The following AVEN variants were observed in gnomAD, a reference collection of about 807,000 sequenced individuals.
AVEN encodes cell death regulator Aven.
In AVEN, 41 loss-of-function variants were observed where a neutral mutation model predicts 38.1. The ratio of observed to expected loss-of-function variants is 1.08; its 90% CI spans 0.84 to 1.40. AVEN has a LOEUF of 1.40. Ranked by LOEUF, AVEN falls within the 40% of genes most tolerant of loss-of-function variation. The pLI is 0.00. For synonymous variants in AVEN, 206 were observed against 171.8 expected (o/e 1.20, Z -1.56); for missense variants, 605 against 438.8 (o/e 1.38, Z -3.38).
Position 34,003,136 on chromosome 15 carries a change from A to C in AVEN, c.341T>G (p.Ile114Ser). 6.2e-7 allele frequency: 1 copy of C among 1,613,860 alleles called. No homozygotes were observed. Among genetic ancestry groups the C allele is most frequent in the Non-Finnish European group, 8.5e-7 (1 of 1,179,904 alleles). Residue 114 changes from isoleucine to serine, a missense_variant, in exon 2 of 6, where the codon ATT becomes AGT. Coordinates refer to ENST00000306730, the MANE Select transcript of AVEN (RefSeq NM_020371.3). ...TTGATATCGATCCCAGTTAGAGACA[A>C]TCTTTCTTTTAGAATAATTTCCCTG... ...DEQGNYSKRK[I>S]VSNWDRYQDI... is the part of the protein sequence containing the mutation.
At chr15:33,976,142 T>C (rs1423801365) in intron 2 of AVEN, among the ~76,000 whole-genome samples, 2 of 152,152 alleles carry the variant, frequency 1.3e-5, no homozygotes, top group Non-Finnish European at 2.9e-5. Flanking sequence ...GCAGGATATA[T>C]TGGATAAAAT....
At chr15:33,877,496 T>C (rs779089354) in intron 2 of AVEN, among the ~76,000 whole-genome samples, 28 of 152,296 alleles carry the variant, frequency 1.8e-4, no homozygotes, top group Non-Finnish European at 3.8e-4. Context: ...AATGGCTCTC[T>C]AATACACAAA....
chr15:34,024,856 T>A lies in AVEN; in HGVS notation c.267+13924A>T, dbSNP rs2339351. Among the ~76,000 whole-genome samples the A allele has an allele frequency of 7.5e-5, 11 of 146,410 alleles. No individual in the cohort carries two copies. The South Asian group carries it at 1.1e-3, about 14-fold the overall frequency. On this transcript the variant is annotated intron_variant, in intron 1 of 5. Transcript: ENST00000306730. ...AGCCTGGGCGACAAAGCAAGACTCC[T>A]TCTCAAAAAAAAAAGGAAAAAATAA... is the stretch of plus-strand genomic sequence containing the variant.
At chr15:33,977,083 G>T (rs74972758) in intron 2 of AVEN, among the ~76,000 whole-genome samples, 2,178 of 152,160 alleles carry the variant, frequency 0.014, 51 homozygotes, top group African/African-American at 0.049. Flanking sequence ...AATAATTTTT[G>T]GCTTAAATTG....
chr15:33,992,459 T>C (rs985106572), intron 2 of AVEN, among the ~76,000 whole-genome samples: 2 of 152,252 alleles, frequency 1.3e-5, no homozygotes, highest in Non-Finnish European at 2.9e-5. Context: ...AAAGTTTTTT[T>C]GTTATCGGAG....
chr15:34,023,723 G>A (rs1898312785), intron 1 of AVEN, among the ~76,000 whole-genome samples: 2 of 152,150 alleles, frequency 1.3e-5, no homozygotes, highest in Non-Finnish European at 2.9e-5. Flanking sequence ...TAAAAGGCCA[G>A]GTGAGCAGTT....
chr15:33,953,881 A>G (rs1217495462), intron 2 of AVEN, among the ~76,000 whole-genome samples: 1 of 152,186 alleles, frequency 6.6e-6, no homozygotes, highest in Non-Finnish European at 1.5e-5. Context: ...AATTTTTGCA[A>G]TTTACCCATC....
chr15:34,075,297 G>A (rs563515427), upstream of AVEN, among the ~76,000 whole-genome samples: 4 of 151,716 alleles, frequency 2.6e-5, no homozygotes, highest in South Asian at 2.1e-4. Context: ...ACTTACAATC[G>A]CAGCGGAAGG....
chr15:33,953,060 C>G (rs1340078927), intron 2 of AVEN, among the ~76,000 whole-genome samples: 2 of 151,902 alleles, frequency 1.3e-5, no homozygotes, highest in Admixed American at 1.3e-4. Context: ...GAATAAAATA[C>G]CTAGGAATAC....
At chr15:33,853,060 C>T in the AVEN span, 1 of 1,605,682 alleles carries the variant, frequency 6.2e-7, no homozygotes, top group Non-Finnish European at 8.5e-7. Flanking sequence ...TTCCTAATAA[C>T]TACTGGGACA....
At chr15:34,038,618 GGCGCGCCCCCGCGCCA>G (rs1899276690) in intron 1 of AVEN, among the ~76,000 whole-genome samples, 146 bp downstream of exon 1, 1 of 2,268 alleles carries the variant, frequency 4.4e-4, no homozygotes, top group Non-Finnish European at 7.6e-3. Context: ...CCCGCCACCA[GGCGCGCCCCCGCGCCA>G]CCATCCGCCC....
intron 2 of AVEN, among the ~76,000 whole-genome samples, chr15:34,068,505 C>T (rs576009721): frequency 6.6e-6 from 1 of 152,016 alleles, no homozygotes; most frequent in Non-Finnish European, 1.5e-5. Context: ...CCGCGTCTGA[C>T]CTTAGAGTGT....
At chr15:34,062,566 A>AAC (rs1249572628) in intron 5 of AVEN, 20 of 680,974 alleles carry the variant, frequency 2.9e-5, no homozygotes, top group Non-Finnish European at 4.4e-5. Context: ...AAAAAAAAAA[A>AAC]AAAAAAAACT....
chr15:33,955,295 TGTGA>T (rs2140458522), intron 2 of AVEN, among the ~76,000 whole-genome samples: 1 of 152,248 alleles, frequency 6.6e-6, no homozygotes, highest in East Asian at 1.9e-4. Flanking sequence ...GCAACCAAAT[TGTGA>T]GTGAGAAGGA....
At chr15:34,054,390 G>A (rs1184348886) in intron 5 of AVEN, among the ~76,000 whole-genome samples, 2 of 152,140 alleles carry the variant, frequency 1.3e-5, no homozygotes, top group Non-Finnish European at 2.9e-5. Context: ...TATGTTCACT[G>A]CAGCACTATC....
chr15:33,899,654 G>C (rs609026), intron 2 of AVEN, among the ~76,000 whole-genome samples: 4 of 151,520 alleles, frequency 2.6e-5, no homozygotes, highest in African/African-American at 9.7e-5. Context: ...TTTTAGTAGA[G>C]ACAGGGTTTC....
upstream of AVEN, among the ~76,000 whole-genome samples, chr15:34,039,491 T>G (rs1899370616): frequency 6.6e-6 from 1 of 152,252 alleles, no homozygotes; most frequent in African/African-American, 2.4e-5. Flanking sequence ...GGTTAACTGC[T>G]GAGATTTGAA....
At chr15:34,025,169 C>CA (rs1387253041) in intron 1 of AVEN, among the ~76,000 whole-genome samples, 25 of 150,182 alleles carry the variant, frequency 1.7e-4, no homozygotes, top group South Asian at 6.3e-4. Context: ...GACTCCATCT[C>CA]AAAAAAAAGG....
chr15:34,038,905 C>G lies in AVEN; in HGVS notation c.142G>C (p.Gly48Arg). The change falls in exon 1 of 6, where the codon GGC becomes CGC. Residue 48 changes from glycine to arginine, a missense_variant. Transcript: ENST00000306730. ...CCACGGCCACGGCCCCGGCGTCCGC[C>G]TCCGTCCCCGCCGCCGCCTCCGCCG... ...GGGGGGGGDG[G>R]GRRGRGRGRG... The G allele has an allele frequency of 8.9e-7, 1 of 1,124,188 alleles. No individual in the cohort carries two copies. The highest frequency in any genetic ancestry group is 1.7e-5 in the African/African-American group (1 of 59,716). 69.6% of individuals were successfully genotyped at this position (1,124,188 alleles called of 1,614,324 possible). A position where few individuals can be genotyped will look rare whatever the true frequency, so the allele number is the denominator to read the frequency against.
Sources: allele counts gnomAD v4.1 joint callset (sites outside exome capture counted in the v4.1 genomes callset), GRCh38; gene constraint gnomAD v4.1.1; transcripts MANE v1.5; gene names NCBI Gene and HGNC (gene_info 2026-07-23, HGNC 2026-07-21).